Variants in RBFOX1 observed in about 807,000 individuals in gnomAD.
The protein encoded by RBFOX1 is RNA binding protein fox-1 homolog 1.
A neutral mutation model predicts 57.7 loss-of-function variants in RBFOX1; 8 were observed. The ratio of observed to expected loss-of-function variants is 0.14; its 90% CI spans 0.08 to 0.25. RBFOX1 has a LOEUF of 0.25. RBFOX1 is among the 10% of genes least tolerant of loss of function. The probability of loss-of-function intolerance (pLI) is 1.00; values close to 1 mark genes in which losing one functional copy is unlikely to be tolerated. For synonymous variants in RBFOX1, 326 were observed against 222.4 expected, an observed-to-expected ratio of 1.47 and a Z score of -4.15; for missense variants, 611 against 548.5, an observed-to-expected ratio of 1.11 and a Z score of -1.14.
chr16:5,604,834 C>T (rs150151805), downstream of RBFOX1, among the ~76,000 whole-genome samples: 1 of 152,222 alleles, frequency 6.6e-6, no homozygotes, highest in Non-Finnish European at 1.5e-5. Flanking sequence ...ACCCTCCAGA[C>T]TTCCTTATCC....
intron 4 of RBFOX1, among the ~76,000 whole-genome samples, chr16:7,491,522 C>A (rs1039898803): frequency 1.3e-5 from 2 of 151,716 alleles, no homozygotes; most frequent in African/African-American, 4.8e-5. Flanking sequence ...TCACTTGGCC[C>A]TTCCCTGCTG....
chr16:6,881,748 T>A lies in RBFOX1; in HGVS notation c.-15-170309T>A, dbSNP rs559184093. Among the ~76,000 whole-genome samples, 3 of 152,320 alleles carry A rather than the reference T, an allele frequency of 2.0e-5. No homozygotes were observed. The South Asian group carries it at 6.2e-4, about 32-fold the overall frequency. The stretch of plus-strand genomic sequence containing the variant: ...AACACATCACACTGGGTGCCTACCA[T>A]GAGCCAGGCATGAGCTTATATACCA... On this transcript the variant is annotated intron_variant, in intron 3 of 15. Transcript: ENST00000550418.
chr16:6,068,030 G>A (rs12920557), intron 1 of RBFOX1, among the ~76,000 whole-genome samples: 105,609 of 152,076 alleles, frequency 0.69, 40,071 homozygotes, highest in Non-Finnish European at 0.84. Flanking sequence ...AGATTTCCTC[G>A]ATTTTCTTTT....
intron 4 of RBFOX1, among the ~76,000 whole-genome samples, chr16:7,154,686 TGTGTG>T (rs2076741808): frequency 6.6e-3 from 8 of 1,214 alleles, no homozygotes; most frequent in African/African-American, 0.028. Context: ...CCTCTTCCTT[TGTGTG>T]TGTGTGTGTG....
chr16:7,704,688 A>T (rs1245290063), intron 14 of RBFOX1, among the ~76,000 whole-genome samples: 2 of 152,154 alleles, frequency 1.3e-5, no homozygotes, highest in African/African-American at 4.8e-5. Flanking sequence ...GTGGAGTGGG[A>T]AATAAGATTA....
chr16:6,251,138 C>T (rs1208838405), intron 1 of RBFOX1, among the ~76,000 whole-genome samples: 6 of 152,132 alleles, frequency 3.9e-5, no homozygotes, highest in African/African-American at 1.4e-4. Context: ...ACATTCACTC[C>T]TCACAACAAC....
chr16:5,687,002 C>T (rs1300085953), intron 3 of RBFOX1, among the ~76,000 whole-genome samples: 3 of 152,132 alleles, frequency 2.0e-5, no homozygotes, highest in Non-Finnish European at 4.4e-5. Context: ...GGGTTGGGTA[C>T]GGATACCCAT....
At chr16:6,575,677 G>A (rs1353034356) in intron 2 of RBFOX1, among the ~76,000 whole-genome samples, 5 of 152,130 alleles carry the variant, frequency 3.3e-5, no homozygotes, top group South Asian at 4.2e-4. Flanking sequence ...GATCAATGTG[G>A]TGAAACACTG....
intron 3 of RBFOX1, among the ~76,000 whole-genome samples, chr16:6,719,846 A>G (rs1011193265): frequency 1.3e-5 from 2 of 152,006 alleles, no homozygotes; most frequent in South Asian, 4.1e-4. Flanking sequence ...TAATCTCAGC[A>G]CTTTGGGAAG....
chr16:6,463,742 C>A (rs2094974436), intron 2 of RBFOX1, among the ~76,000 whole-genome samples: 1 of 152,188 alleles, frequency 6.6e-6, no homozygotes, highest in South Asian at 2.1e-4. Flanking sequence ...AAGATGCTTA[C>A]TAACCGCCCC....
chr16:7,699,811 TTCTC>T (rs1356501067), intron 14 of RBFOX1, among the ~76,000 whole-genome samples: 2 of 152,198 alleles, frequency 1.3e-5, no homozygotes, highest in Non-Finnish European at 2.9e-5. Context: ...TTTATTATGT[TTCTC>T]TCAATCCCAT....
At chr16:6,810,683 G>A (rs1381433104) in intron 3 of RBFOX1, among the ~76,000 whole-genome samples, 1 of 152,068 alleles carries the variant, frequency 6.6e-6, no homozygotes, top group Admixed American at 6.6e-5. Context: ...GAAGTCCTCT[G>A]GAAACGTACA....
chr16:7,238,178 C>T (rs1024051191), intron 4 of RBFOX1, among the ~76,000 whole-genome samples: 2 of 152,052 alleles, frequency 1.3e-5, no homozygotes, highest in African/African-American at 4.8e-5. Flanking sequence ...TTACCAAGGG[C>T]TGGGAGAAAA....
At chr16:7,288,263 T>C (rs553724722) in intron 4 of RBFOX1, among the ~76,000 whole-genome samples, 2 of 152,318 alleles carry the variant, frequency 1.3e-5, no homozygotes, top group East Asian at 3.9e-4. Flanking sequence ...CTCACATCAA[T>C]TGTTCAACTT....
intron 2 of RBFOX1, among the ~76,000 whole-genome samples, chr16:6,491,108 A>G (rs565024395): frequency 2.0e-5 from 3 of 152,248 alleles, no homozygotes; most frequent in African/African-American, 4.8e-5. Flanking sequence ...ACGTGTATAT[A>G]TAGTTATATC....
chr16:7,033,353 C>A (rs974365537), intron 3 of RBFOX1, among the ~76,000 whole-genome samples: 3 of 152,132 alleles, frequency 2.0e-5, no homozygotes, highest in African/African-American at 7.2e-5. Context: ...AACCCCGTCT[C>A]TACTAAAAAT....
chr16:6,120,792 G>A (rs1184397891), intron 1 of RBFOX1, among the ~76,000 whole-genome samples: 6 of 151,966 alleles, frequency 3.9e-5, no homozygotes, highest in African/African-American at 9.7e-5. Flanking sequence ...TTTGTAAGAC[G>A]TCAGTTCTGG....
chr16:5,719,234 T>G (rs1216762459), intron 3 of RBFOX1, among the ~76,000 whole-genome samples: 1 of 147,778 alleles, frequency 6.8e-6, no homozygotes, highest in Non-Finnish European at 1.5e-5. Flanking sequence ...GACGGAGTCT[T>G]GCCATCTCCC....
chr16:7,266,105 G>C (rs1233605427), intron 4 of RBFOX1, among the ~76,000 whole-genome samples: 2 of 151,194 alleles, frequency 1.3e-5, no homozygotes, highest in Non-Finnish European at 2.9e-5. Flanking sequence ...CTCCCAAGTA[G>C]CTGGGACTAC....
Sources: gnomAD v4.1 joint callset for allele counts (sites outside exome capture counted in the v4.1 genomes callset) on GRCh38, gnomAD v4.1.1 for gene constraint, MANE v1.5 for transcripts, NCBI Gene and HGNC (gene_info 2026-07-23, HGNC 2026-07-21) for gene names.